Variants in APLF observed in about 807,000 individuals in gnomAD.
APLF encodes aprataxin and PNK-like factor.
A neutral mutation model predicts 55.6 loss-of-function variants in APLF; 61 were observed. The observed-to-expected ratio is 1.10, with a 90% CI of 0.89 to 1.36. The LOEUF (loss-of-function observed/expected upper bound fraction) is 1.36, where lower values mean the gene tolerates loss of function less well. Ranked by LOEUF, APLF falls within the 40% of genes most tolerant of loss-of-function variation. The pLI, the probability that APLF is intolerant of heterozygous loss-of-function variation, is 0.00. For synonymous variants in APLF, 207 were observed against 214.8 expected (o/e 0.96, Z 0.32); for missense variants, 611 against 602.5 (o/e 1.01, Z -0.15).
chr2:68,476,496 A>AAG (rs1243551569), intron 1 of APLF, among the ~76,000 whole-genome samples: 1 of 149,952 alleles, frequency 6.7e-6, no homozygotes, highest in Non-Finnish European at 1.5e-5. Context: ...AAAAAAAAAA[A>AAG]GTAGGAATTT....
Position 68,513,648 on chromosome 2 carries a change from A to G in APLF, c.590A>G (p.Asp197Gly). The G allele has an allele frequency of 6.2e-7, 1 of 1,611,388 alleles. No individual in the cohort carries two copies. Among genetic ancestry groups the G allele is most frequent in the Non-Finnish European group, 8.5e-7 (1 of 1,178,192 alleles). Reference protein sequence around the residue: ...PTWMLAEHLSDQNLSVPAISG... With the variant: ...PTWMLAEHLSGQNLSVPAISG... ...TGGATGTTAGCAGAACATTTAAGTG[A>G]TCAAAACCTTTCAGTACCAGCAATC... The change falls in exon 5 of 10, where the codon GAT becomes GGT. Residue 197 changes from aspartate (D) to glycine (G), a missense_variant. Physicochemically the swap from Asp to Gly is moderately conservative, Grantham distance 94. Coordinates refer to ENST00000303795, the MANE Select transcript of APLF (RefSeq NM_173545.3).
rs1043843032 is a variant in APLF, at chr2:68,577,741, A to G, written c.1334-79A>G. 5.9e-6 allele frequency: 9 copies of G among 1,534,802 alleles called. No individual in the cohort carries two copies. In the African/African-American group the frequency reaches 9.7e-5, roughly 17 times the overall value. ...TAAAATTAATCCTCTGGATGCAGAA[A>G]GACATTTTATAGGTAGATGTCTGTC... is the stretch of plus-strand genomic sequence containing the variant. On this transcript the variant is annotated intron_variant, in intron 9 of 9. Coordinates refer to ENST00000303795, the MANE Select transcript of APLF (RefSeq NM_173545.3).
chr2:68,487,856 G>A (rs2103902367), intron 1 of APLF, among the ~76,000 whole-genome samples: 1 of 152,230 alleles, frequency 6.6e-6, no homozygotes, highest in Admixed American at 6.5e-5. Context: ...AAATGTCTGA[G>A]TGATGTTAAT....
intron 8 of APLF, among the ~76,000 whole-genome samples, chr2:68,549,383 C>A (rs561431817): frequency 2.6e-5 from 4 of 151,960 alleles, no homozygotes; most frequent in African/African-American, 4.8e-5. Context: ...AATATTATTT[C>A]CCTCTTAGTC....
chr2:68,573,766 C>T (rs192963237), intron 9 of APLF, among the ~76,000 whole-genome samples: 1 of 151,978 alleles, frequency 6.6e-6, no homozygotes, highest in African/African-American at 2.4e-5. Context: ...GACTTCTAAC[C>T]CCTGGTCTAG....
At chr2:68,543,228 C>T (rs905552620) in intron 7 of APLF, among the ~76,000 whole-genome samples, 1 of 151,962 alleles carries the variant, frequency 6.6e-6, no homozygotes, top group Non-Finnish European at 1.5e-5. Context: ...TTTTCAGTTG[C>T]ACAAGTTGAA....
chr2:68,561,012 T>C (rs1333912062), intron 8 of APLF, among the ~76,000 whole-genome samples: 1 of 152,080 alleles, frequency 6.6e-6, no homozygotes, highest in Non-Finnish European at 1.5e-5. Flanking sequence ...GTGTGAGATA[T>C]GACAGGGAAA....
chr2:68,473,231 A>G (rs1179953169), intron 1 of APLF, among the ~76,000 whole-genome samples: 1 of 152,076 alleles, frequency 6.6e-6, no homozygotes, highest in Non-Finnish European at 1.5e-5. Flanking sequence ...TACTTTCTCC[A>G]TGGTTTTGCC....
rs1259169250 is a variant in APLF, at chr2:68,563,947, C to T, written c.1287-3394C>T. Among the ~76,000 whole-genome samples, 7 of 152,130 alleles carry T rather than the reference C, an allele frequency of 4.6e-5. No homozygotes were observed. In the East Asian group the frequency reaches 1.2e-3, roughly 25 times the overall value. On this transcript the variant is annotated intron_variant, in intron 8 of 9. Coordinates refer to ENST00000303795, the MANE Select transcript of APLF (RefSeq NM_173545.3). Reference sequence around the variant, plus strand: ...ATCTTGATGAAGATATATGGAATTTCAGTGTACTAGTCTTGCCTGCTTTTT... The same window carrying T: ...ATCTTGATGAAGATATATGGAATTTTAGTGTACTAGTCTTGCCTGCTTTTT...
intron 8 of APLF, among the ~76,000 whole-genome samples, chr2:68,561,679 T>G (rs922885643): frequency 8.5e-5 from 13 of 152,076 alleles, no homozygotes; most frequent in African/African-American, 3.1e-4. Flanking sequence ...GTAAGAAGAT[T>G]TAATGAGTAC....
At chr2:68,490,301 T>C (rs1558529615) in intron 2 of APLF, 40 bp downstream of exon 2, 2 of 1,564,238 alleles carry the variant, frequency 1.3e-6, no homozygotes, top group East Asian at 2.3e-5. Flanking sequence ...CTTTCATCTC[T>C]TACCCTTTCA....
At chr2:68,563,178 A>G (rs1360564367) in intron 8 of APLF, 15 of 985,128 alleles carry the variant, frequency 1.5e-5, no homozygotes, top group African/African-American at 1.7e-5. Context: ...CTGTCTTTTT[A>G]TGAAAAGAGC....
chr2:68,577,329 C>T (rs1327851432), intron 9 of APLF, among the ~76,000 whole-genome samples: 1 of 152,136 alleles, frequency 6.6e-6, no homozygotes, highest in African/African-American at 2.4e-5. Context: ...GGAATCCAGG[C>T]TGAGGGATCA....
At chr2:68,520,984 T>C (rs1207103423) in intron 5 of APLF, among the ~76,000 whole-genome samples, 4 of 152,104 alleles carry the variant, frequency 2.6e-5, no homozygotes, top group Non-Finnish European at 5.9e-5. Context: ...GTGTCATCTA[T>C]GATTTCTTTC....
chr2:68,558,823 C>T (rs887792860), intron 8 of APLF, among the ~76,000 whole-genome samples: 3 of 152,118 alleles, frequency 2.0e-5, no homozygotes, highest in African/African-American at 2.4e-5. Context: ...ACCGACAGGA[C>T]CCAGTGTGTG....
intron 1 of APLF, among the ~76,000 whole-genome samples, chr2:68,476,476 CAAAAAA>C (rs768968249): frequency 1.3e-5 from 1 of 76,502 alleles, no homozygotes; most frequent in African/African-American, 4.2e-5. Flanking sequence ...GAGTGAGACT[CAAAAAA>C]AAAAAAAAAA....
intron 1 of APLF, among the ~76,000 whole-genome samples, chr2:68,475,326 A>G (rs995345514): frequency 5.3e-5 from 8 of 152,244 alleles, no homozygotes; most frequent in Admixed American, 4.6e-4. Context: ...TGACATCATG[A>G]TAGTCAGCAC....
intron 3 of APLF, among the ~76,000 whole-genome samples, chr2:68,503,212 T>C (rs1221265192): frequency 1.3e-5 from 2 of 152,204 alleles, no homozygotes; most frequent in African/African-American, 4.8e-5. Flanking sequence ...GTATTCAATA[T>C]AGTTAATTCG....
chr2:68,551,067 G>A (rs1404515165), intron 8 of APLF, among the ~76,000 whole-genome samples: 1 of 151,750 alleles, frequency 6.6e-6, no homozygotes, highest in Non-Finnish European at 1.5e-5. Context: ...TTACATTTTT[G>A]TGTGTCTGAA....
Sources: allele counts gnomAD v4.1 joint callset (sites outside exome capture counted in the v4.1 genomes callset), GRCh38; gene constraint gnomAD v4.1.1; transcripts MANE v1.5; gene names NCBI Gene and HGNC (gene_info 2026-07-23, HGNC 2026-07-21).